Variants in TJP1 observed in about 807,000 individuals in gnomAD.
TJP1 encodes tight junction protein 1, also known as tight junction protein ZO-1.
Under a neutral mutation model 194.2 loss-of-function variants are expected in TJP1, and 43 were observed. The ratio of observed to expected loss-of-function variants is 0.22; its 90% CI spans 0.17 to 0.29. The LOEUF is 0.29. Among genes scored for constraint, TJP1 ranks in the 10% least tolerant of loss-of-function variants. The pLI, the probability that TJP1 is intolerant of heterozygous loss-of-function variation, is 1.00. For missense variants in TJP1, 1,971 were observed against 2,185.7 expected, an observed-to-expected ratio of 0.90 and a Z score of 1.96; for synonymous variants, 801 against 779.0, an observed-to-expected ratio of 1.03 and a Z score of -0.47.
intron 10 of TJP1, among the ~76,000 whole-genome samples, chr15:29,738,172 G>C (rs1331576438): frequency 6.6e-6 from 1 of 152,090 alleles, no homozygotes; most frequent in East Asian, 1.9e-4. Context: ...GAACTGACTG[G>C]ATAGAAACAG....
chr15:29,822,171 C>G lies in TJP1; in HGVS notation c.-143G>C. On this transcript the variant is annotated 5_prime_UTR_variant, in exon 1 of 28. Coordinates refer to ENST00000614355, the MANE Select transcript of TJP1 (RefSeq NM_001330239.4). Reference sequence around the variant, plus strand: ...GCGGGGGCGGCCGGAAGGGCCCGGCCCAGGGGGAGGGAATTCAACTCGGAC... The same window carrying G: ...GCGGGGGCGGCCGGAAGGGCCCGGCGCAGGGGGAGGGAATTCAACTCGGAC... 8.5e-7 allele frequency: 1 copy of G among 1,181,332 alleles called. No homozygotes were observed. 73.2% of individuals were successfully genotyped at this position (1,181,332 alleles called of 1,614,324 possible).
At chr15:29,852,578 A>G (rs1396447963) in intron 2 of TJP1, among the ~76,000 whole-genome samples, 3 of 152,196 alleles carry the variant, frequency 2.0e-5, no homozygotes, top group Non-Finnish European at 2.9e-5. Flanking sequence ...CAATTACCAT[A>G]CCCAGCAATT....
intron 24 of TJP1, among the ~76,000 whole-genome samples, 155 bp downstream of exon 24, chr15:29,710,676 G>A (rs927587920): frequency 6.6e-6 from 1 of 152,150 alleles, no homozygotes; most frequent in Non-Finnish European, 1.5e-5. Context: ...AAAAACAGGA[G>A]ACATACTTTT....
intron 2 of TJP1, among the ~76,000 whole-genome samples, chr15:29,915,516 AC>A (rs2054156001): frequency 6.6e-6 from 1 of 152,220 alleles, no homozygotes; most frequent in East Asian, 1.9e-4. Flanking sequence ...TGATTTCCAA[AC>A]CATACAATCT....
intron 2 of TJP1, among the ~76,000 whole-genome samples, chr15:29,940,245 G>A (rs1020958138): frequency 6.6e-6 from 1 of 152,174 alleles, no homozygotes; most frequent in Non-Finnish European, 1.5e-5. Flanking sequence ...GAGACAAAGT[G>A]ATTCCTTTCC....
chr15:29,726,827 G>A lies in TJP1; in HGVS notation c.2265C>T (p.Tyr755=), dbSNP rs1174795294. 24 of 1,613,950 alleles carry A rather than the reference G, an allele frequency of 1.5e-5. No individual in the cohort carries two copies. The highest frequency in any genetic ancestry group is 2.2e-5 in the South Asian group (2 of 91,084). Residue 755 remains tyrosine (Y), a synonymous_variant, in exon 17 of 28, where the codon TAC becomes TAT. Coordinates refer to ENST00000614355, the MANE Select transcript of TJP1 (RefSeq NM_001330239.4). ...PESRKSARKL[Y]ERSHKLRKNN... is the part of the protein sequence containing the mutation. The stretch of plus-strand genomic sequence containing the variant: ...TTTTACGAAGTTTATGAGATCGCTC[G>A]TATAACTTCCTGGCACTTTTCCGAG...
intron 1 of TJP1, among the ~76,000 whole-genome samples, chr15:29,961,334 C>CTTTTTTTTTTTTT (rs5811594): frequency 1.1e-5 from 1 of 89,818 alleles, no homozygotes; most frequent in African/African-American, 4.6e-5. Flanking sequence ...TTTCCTAATT[C>CTTTTTTTTTTTTT]TTTTTTTTTT....
intron 26 of TJP1, 44 bp from the exon 27 acceptor site, chr15:29,704,349 T>C (rs2041756390): frequency 6.5e-7 from 1 of 1,537,806 alleles, no homozygotes; most frequent in Admixed American, 2.0e-5. Flanking sequence ...GGATGTGGTC[T>C]TTCTTCTAGA....
intron 15 of TJP1, 95 bp downstream of exon 15, chr15:29,732,338 A>G: frequency 1.8e-6 from 2 of 1,138,162 alleles, no homozygotes; most frequent in South Asian, 1.5e-5. Context: ...TTCACTGACA[A>G]AAAGTCTTAT....
intron 2 of TJP1, among the ~76,000 whole-genome samples, chr15:29,954,913 T>C (rs540560096): frequency 2.6e-3 from 392 of 152,158 alleles, no homozygotes; most frequent in Non-Finnish European, 4.4e-3. Context: ...ACCCTGTCTC[T>C]ACTAAAAATA....
intron 2 of TJP1, among the ~76,000 whole-genome samples, chr15:29,856,909 T>C (rs1200091458): frequency 6.6e-6 from 1 of 152,192 alleles, no homozygotes; most frequent in Non-Finnish European, 1.5e-5. Context: ...ACAAACTTTT[T>C]TTCTTGTCAC....
At chr15:29,968,497 G>T in intron 1 of TJP1, 1 of 882,206 alleles carries the variant, frequency 1.1e-6, no homozygotes, top group Non-Finnish European at 1.4e-6. Flanking sequence ...CCCTGGGCTC[G>T]GCCTTGGCTG....
At chr15:29,772,279 AT>A (rs999514253) in intron 3 of TJP1, 113 bp from the exon 4 acceptor site, 1 of 613,390 alleles carries the variant, frequency 1.6e-6, no homozygotes. Context: ...GAGCCAATTA[AT>A]TAATTTCTCT....
chr15:29,841,198 A>T lies in TJP1; in HGVS notation c.307-40496T>A, dbSNP rs368626107. 4.2e-4 allele frequency among the ~76,000 whole-genome samples: 64 copies of T among 152,264 alleles called. No individual in the cohort carries two copies. The South Asian group carries it at 0.013, about 32-fold the overall frequency. On this transcript the variant is annotated intron_variant, in intron 2 of 28. Transcript: ENST00000356107. ...CAGCCTGGAAGTCTGGGCCTTAGCAAATGTGAAAGGCTAGGGTTCAAGCTG... is the reference window on the plus strand; with the variant it reads ...CAGCCTGGAAGTCTGGGCCTTAGCATATGTGAAAGGCTAGGGTTCAAGCTG...
intron 15 of TJP1, chr15:29,729,303 C>CAAAAG (rs2043445801): frequency 6.6e-6 from 1 of 151,928 alleles, no homozygotes; most frequent in African/African-American, 2.4e-5. Flanking sequence ...TTGTCTCAAA[C>CAAAAG]AAAAGAAAAC....
chr15:29,801,276 T>C (rs943453956), intron 1 of TJP1, among the ~76,000 whole-genome samples: 5 of 152,110 alleles, frequency 3.3e-5, no homozygotes, highest in Non-Finnish European at 5.9e-5. Flanking sequence ...GCTTTTCTAG[T>C]ATATGTATCA....
chr15:29,968,303 T>C (rs1596341581), intron 1 of TJP1: 3 of 985,056 alleles, frequency 3.0e-6, no homozygotes, highest in Non-Finnish European at 3.6e-6. Flanking sequence ...CGCGAGAGCC[T>C]GGCTGGAAAT....
At chr15:29,824,293 A>G (rs2050609711), upstream of TJP1, among the ~76,000 whole-genome samples, 1 of 151,434 alleles carries the variant, frequency 6.6e-6, no homozygotes, top group Admixed American at 6.6e-5. Context: ...AAAATAGGAA[A>G]GTAGCCGGGC....
At position 29,719,896 on chromosome 15, in the gene TJP1, C is replaced by A; in HGVS notation, c.2884G>T (p.Ala962Ser). The stretch of plus-strand genomic sequence containing the variant: ...TGTGGTGAGTAAGAGGTGGAAGGAG[C>A]TGGGGTGGGCTCCTCCAGTCTGACA... ...TNVRLEEPTP[A>S]PSTSYSPQAD... Residue 962 changes from alanine to serine, a missense_variant, in exon 20 of 28, where the codon GCT (alanine) becomes TCT (serine). Transcript: ENST00000614355. 1 of 1,614,020 alleles carries A rather than the reference C, an allele frequency of 6.2e-7. No individual in the cohort carries two copies. Among genetic ancestry groups the A allele is most frequent in the Non-Finnish European group, 8.5e-7 (1 of 1,179,986 alleles).
Sources: allele counts gnomAD v4.1 joint callset (sites outside exome capture counted in the v4.1 genomes callset), GRCh38; gene constraint gnomAD v4.1.1; transcripts MANE v1.5; gene names NCBI Gene and HGNC (gene_info 2026-07-23, HGNC 2026-07-21).